VPS54: variants seen among roughly 807,000 people sequenced by gnomAD.
The protein encoded by VPS54 is VPS54 subunit of GARP complex.
In VPS54, 45 loss-of-function variants were observed where a neutral mutation model predicts 121.5. The observed-to-expected ratio is 0.37, with a 90% confidence interval of 0.29 to 0.47. VPS54 has a LOEUF of 0.47. Among genes scored for constraint, VPS54 ranks in the 20% least tolerant of loss-of-function variants. The pLI, the probability that VPS54 is intolerant of heterozygous loss-of-function variation, is 0.99. For synonymous variants in VPS54, 371 were observed against 385.8 expected (o/e 0.96, Z 0.45); for missense variants, 1,090 against 1,131.4 (o/e 0.96, Z 0.52).
At chr2:63,941,825 G>A (rs1188617644) in intron 11 of VPS54, among the ~76,000 whole-genome samples, 1 of 152,050 alleles carries the variant, frequency 6.6e-6, no homozygotes, top group African/African-American at 2.4e-5. Context: ...CTTGAGGTCA[G>A]GAGTTCGAGA....
chr2:63,915,151 CAAAAA>C (rs5831674), intron 16 of VPS54, among the ~76,000 whole-genome samples: 2 of 23,850 alleles, frequency 8.4e-5, no homozygotes, highest in Admixed American at 5.2e-4. Context: ...AGCTCCGTCT[CAAAAA>C]AAAAAAAAAA....
chr2:63,957,350 A>G (rs1047375619), intron 7 of VPS54, among the ~76,000 whole-genome samples: 2 of 151,430 alleles, frequency 1.3e-5, no homozygotes, highest in South Asian at 2.1e-4. Flanking sequence ...GCTGAGGCAG[A>G]AGAATGGCGT....
chr2:63,944,979 C>A (rs754871513), intron 9 of VPS54, among the ~76,000 whole-genome samples: 12 of 152,128 alleles, frequency 7.9e-5, no homozygotes, highest in African/African-American at 2.9e-4. Flanking sequence ...GACAGTGTAG[C>A]GATTCCTCAA....
intron 8 of VPS54, 23 bp downstream of exon 8, chr2:63,949,014 C>A: frequency 6.2e-7 from 1 of 1,606,170 alleles, no homozygotes; most frequent in South Asian, 1.1e-5. Flanking sequence ...GCATCAACTT[C>A]ATTCCACAGT....
chr2:63,931,898 T>A (rs573668604), intron 12 of VPS54, among the ~76,000 whole-genome samples: 5 of 152,190 alleles, frequency 3.3e-5, no homozygotes, highest in African/African-American at 1.2e-4. Flanking sequence ...AAAAGACATA[T>A]GAAAAAATGC....
At chr2:63,998,026 C>T (rs1432566002) in intron 1 of VPS54, among the ~76,000 whole-genome samples, 1 of 151,974 alleles carries the variant, frequency 6.6e-6, no homozygotes, top group Non-Finnish European at 1.5e-5. Flanking sequence ...GGTTTTATTC[C>T]ATTGTGGTCA....
intron 20 of VPS54, among the ~76,000 whole-genome samples, chr2:63,903,818 A>G (rs1285045074): frequency 6.6e-6 from 1 of 152,136 alleles, no homozygotes; most frequent in Admixed American, 6.5e-5. Context: ...AAAAACATTT[A>G]ATCTGAAAAA....
Position 63,908,480 on chromosome 2 carries a change from ACT to A in VPS54, c.2625+3863_2625+3864del, listed in dbSNP as rs1672999064. Among the ~76,000 whole-genome samples, 4 of 152,164 alleles carry A rather than the reference ACT, an allele frequency of 2.6e-5. No individual in the cohort carries two copies. The South Asian group carries it at 8.3e-4, about 31-fold the overall frequency. On this transcript the variant is annotated intron_variant, in intron 20 of 22. Transcript: ENST00000272322. ...ATGATGTTCTATAACTTGCAGTTATACTATCTGTATTTAGATACAGATAGTAT... is the reference window on the plus strand; with the variant it reads ...ATGATGTTCTATAACTTGCAGTTATAATCTGTATTTAGATACAGATAGTAT...
intron 20 of VPS54, 132 bp downstream of exon 20, chr2:63,912,213 A>G (rs1673179009): frequency 3.2e-6 from 3 of 948,096 alleles, no homozygotes; most frequent in Non-Finnish European, 4.6e-6. Flanking sequence ...AAAATTTAAA[A>G]TTCTACTAAT....
At chr2:63,927,501 G>A (rs72808245) in intron 12 of VPS54, among the ~76,000 whole-genome samples, 2,525 of 152,180 alleles carry the variant, frequency 0.017, 60 homozygotes, top group Admixed American at 0.07. Flanking sequence ...AAATCCCATC[G>A]ACAGGTCACC....
chr2:63,898,972 C>T (rs1452294322), intron 21 of VPS54, among the ~76,000 whole-genome samples: 1 of 152,000 alleles, frequency 6.6e-6, no homozygotes, highest in African/African-American at 2.4e-5. Context: ...TCAAAGACTC[C>T]CCCACCCTCC....
chr2:63,921,585 T>C (rs143167358), intron 12 of VPS54, among the ~76,000 whole-genome samples: 1 of 152,294 alleles, frequency 6.6e-6, no homozygotes, highest in East Asian at 1.9e-4. Flanking sequence ...TGGAGTGCAG[T>C]GGCACATTCA....
chr2:63,934,969 T>C (rs1159028241), intron 11 of VPS54, among the ~76,000 whole-genome samples: 1 of 152,056 alleles, frequency 6.6e-6, no homozygotes, highest in Admixed American at 6.6e-5. Context: ...GCTTGGTTAG[T>C]TTTTTTGGAA....
intron 12 of VPS54, among the ~76,000 whole-genome samples, chr2:63,921,866 G>A (rs1255780188): frequency 6.6e-6 from 1 of 152,218 alleles, no homozygotes; most frequent in Non-Finnish European, 1.5e-5. Flanking sequence ...ACTCCAATTG[G>A]AAAGTCTGCA....
intron 1 of VPS54, among the ~76,000 whole-genome samples, chr2:63,996,551 C>T (rs1677601459): frequency 6.6e-6 from 1 of 152,230 alleles, no homozygotes; most frequent in Non-Finnish European, 1.5e-5. Context: ...TTAGGTCTGA[C>T]TGCCTGGAAG....
In VPS54 at chr2:64,004,467, A is replaced by G. The variant is rs372417547; in HGVS notation, c.-21+14471T>C. 7.2e-5 allele frequency among the ~76,000 whole-genome samples: 11 copies of G among 152,218 alleles called. 1 individual carries two copies. In the East Asian group the frequency reaches 9.6e-4, roughly 13 times the overall value. The stretch of plus-strand genomic sequence containing the variant: ...GGAGACCTGGCTGTCACCACCTTAC[A>G]TAAGTCATTAAAGTTAACATTACTG... On this transcript the variant is annotated intron_variant, in intron 1 of 22. Coordinates refer to ENST00000272322, the MANE Select transcript of VPS54 (RefSeq NM_016516.3).
intron 6 of VPS54, among the ~76,000 whole-genome samples, chr2:63,963,692 T>C (rs948256058): frequency 1.3e-5 from 2 of 152,198 alleles, no homozygotes; most frequent in Non-Finnish European, 1.5e-5. Context: ...CTTGAGTTTA[T>C]GCCCTTTTGC....
intron 6 of VPS54, among the ~76,000 whole-genome samples, chr2:63,964,832 C>T (rs1675917772): frequency 6.6e-6 from 1 of 152,192 alleles, no homozygotes; most frequent in African/African-American, 2.4e-5. Flanking sequence ...AACAAAATCA[C>T]TACTTCTCAT....
chr2:63,922,011 C>T (rs1464796869), intron 12 of VPS54, among the ~76,000 whole-genome samples: 4 of 152,134 alleles, frequency 2.6e-5, no homozygotes, highest in African/African-American at 9.7e-5. Flanking sequence ...GACAAACAGG[C>T]TCTCTTTTTA....
Sources: gnomAD v4.1 joint callset for allele counts (sites outside exome capture counted in the v4.1 genomes callset) on GRCh38, gnomAD v4.1.1 for gene constraint, MANE v1.5 for transcripts, NCBI Gene and HGNC (gene_info 2026-07-23, HGNC 2026-07-21) for gene names.